Variants in PCDHGA5 observed in about 807,000 individuals in gnomAD.
PCDHGA5 encodes the protein protocadherin gamma-A5.
In PCDHGA5, 36 loss-of-function variants were observed where a neutral mutation model predicts 56.7. That is an observed-to-expected ratio of 0.64 (90% confidence interval 0.49 to 0.84). PCDHGA5 has a LOEUF of 0.84. Among genes scored for constraint, PCDHGA5 ranks in the 40% least tolerant of loss-of-function variants. The probability of loss-of-function intolerance (pLI) is 0.00; values close to 1 mark genes in which losing one functional copy is unlikely to be tolerated. For missense variants in PCDHGA5, 1,305 were observed against 1,201.5 expected, an observed-to-expected ratio of 1.09 and a Z score of -1.27; for synonymous variants, 563 against 520.2, an observed-to-expected ratio of 1.08 and a Z score of -1.12.
intron 1 of PCDHGA5, chr5:141,427,448 TC>T (rs1355717683): frequency 6.2e-6 from 3 of 484,982 alleles, no homozygotes; most frequent in Non-Finnish European, 1.2e-5. Flanking sequence ...ACGAAAGAGT[TC>T]CTTTTAGAAT....
At chr5:141,419,586 A>T (rs1440548961) in intron 1 of PCDHGA5, 1 of 1,611,696 alleles carries the variant, frequency 6.2e-7, no homozygotes, top group Non-Finnish European at 8.5e-7. Context: ...GCGCTCTTCG[A>T]CACAGTGCCG....
chr5:141,477,351 G>A lies in PCDHGA5; in HGVS notation c.2422-17456G>A. 6.2e-7 allele frequency: 1 copy of A among 1,614,126 alleles called. No homozygotes were observed. The highest frequency in any genetic ancestry group is 8.5e-7 in the Non-Finnish European group (1 of 1,180,018). On this transcript the variant is annotated intron_variant, in intron 1 of 3. Transcript: ENST00000518069. This position sits in a 1 kb window ranked among gnomAD's most constrained non-coding sequence, Gnocchi z 4.9. ...AAGAATTACTTCACTTTGAAAACCA[G>A]TGCAGACCTGGATCGGGAGACTGTG...
chr5:141,450,006 C>CTATTTTT lies in PCDHGA5; in HGVS notation c.2422-44800_2422-44799insATTTTTT, dbSNP rs70988802. On this transcript the variant is annotated intron_variant, in intron 1 of 3. Coordinates refer to ENST00000518069, the MANE Select transcript of PCDHGA5 (RefSeq NM_018918.3). ...CACATTGCATTTAGTTGCCATGTCTCTTTTTTTTTTTTTTTTTTGAGACAG... is the reference window on the plus strand; with the variant it reads ...CACATTGCATTTAGTTGCCATGTCTCTATTTTTTTTTTTTTTTTTTTTTTTGAGACAG... Among the ~76,000 whole-genome samples, 248 of 132,920 alleles carry CTATTTTT rather than the reference C, an allele frequency of 1.9e-3. 8 individuals carry two copies. Among genetic ancestry groups the CTATTTTT allele is most frequent in the African/African-American group, 4.3e-3 (154 of 35,586 alleles). 87.2% of individuals were successfully genotyped at this position (132,920 alleles called of 152,430 possible). A position where few individuals can be genotyped will look rare whatever the true frequency, so the allele number is the denominator to read the frequency against.
Position 141,432,028 on chromosome 5 carries a change from C to T in PCDHGA5, c.2422-62779C>T, listed in dbSNP as rs776543767. ...TTCCTAGCTACAACATCACAGTGAC[C>T]GCCACTGACCGGGGAACCCCGCCCC... On this transcript the variant is annotated intron_variant, in intron 1 of 3. Coordinates refer to ENST00000518069, the MANE Select transcript of PCDHGA5 (RefSeq NM_018918.3). The surrounding 1 kb of genome is among the most constrained non-coding windows in gnomAD (Gnocchi z 6.0). The T allele has an allele frequency of 1.1e-5, 18 of 1,614,050 alleles. No individual in the cohort carries two copies. The highest frequency in any genetic ancestry group is 9.9e-5 in the South Asian group (9 of 91,090).
In PCDHGA5 at chr5:141,491,667, G is replaced by C. The variant is rs746903142; in HGVS notation, c.2422-3140G>C. The C allele has an allele frequency of 3.7e-6, 6 of 1,613,678 alleles. No individual in the cohort carries two copies. The South Asian group carries it at 6.6e-5, about 18-fold the overall frequency. On this transcript the variant is annotated intron_variant, in intron 1 of 3. Transcript: ENST00000518069. This position sits in a 1 kb window ranked among gnomAD's most constrained non-coding sequence, Gnocchi z 6.9. Reference sequence around the variant, plus strand: ...TGGCGCTGGAGCCTGACGCCATCCGGTCCCGCTCTAATACGCTGCGGGAGC... The same window carrying C: ...TGGCGCTGGAGCCTGACGCCATCCGCTCCCGCTCTAATACGCTGCGGGAGC...
chr5:141,430,216 A>G (rs1487666733), intron 1 of PCDHGA5, among the ~76,000 whole-genome samples: 1 of 150,536 alleles, frequency 6.6e-6, no homozygotes, highest in Non-Finnish European at 1.5e-5. Flanking sequence ...TTATTATATT[A>G]TATGATTTGT....
At chr5:141,423,562 AC>A in intron 1 of PCDHGA5, 1 of 1,613,612 alleles carries the variant, frequency 6.2e-7, no homozygotes, top group Non-Finnish European at 8.5e-7. Flanking sequence ...CTATGGGGAC[AC>A]GCTCATCAGC....
Position 141,510,946 on chromosome 5 carries a change from GA to G in PCDHGA5, c.2571del (p.Ala858LeufsTer17). The G allele has an allele frequency of 6.2e-7, 1 of 1,614,128 alleles. No homozygotes were observed. ...LQAMILASAS[E>X]AADGSSTLGG... ...CACCTGATCTTCCTCTGTCTCTGCA[GA>G]AGCTGCTGATGGGAGCTCCACCCTG... On this transcript the variant is annotated frameshift_variant and splice_region_variant, in exon 4 of 4. Coordinates refer to ENST00000518069, the MANE Select transcript of PCDHGA5 (RefSeq NM_018918.3). LOFTEE classifies it high-confidence loss of function.
chr5:141,382,263 T>C (rs1447947679), intron 1 of PCDHGA5, among the ~76,000 whole-genome samples: 1 of 152,242 alleles, frequency 6.6e-6, no homozygotes, highest in Non-Finnish European at 1.5e-5. Flanking sequence ...TCATGGTGTC[T>C]AGAACATATG....
intron 1 of PCDHGA5, among the ~76,000 whole-genome samples, chr5:141,448,837 C>CT (rs2098610093): frequency 6.6e-6 from 1 of 152,014 alleles, no homozygotes; most frequent in Non-Finnish European, 1.5e-5. Context: ...CCCAGCTACT[C>CT]TGGAGGCTGA....
At chr5:141,418,717 C>G in intron 1 of PCDHGA5, 2 of 1,613,938 alleles carry the variant, frequency 1.2e-6, no homozygotes, top group Non-Finnish European at 1.7e-6. Context: ...GTGTGGCTGA[C>G]AAAGCTCAGC....
At chr5:141,409,571 T>A in intron 1 of PCDHGA5, 2 of 1,613,932 alleles carry the variant, frequency 1.2e-6, no homozygotes, top group Non-Finnish European at 1.7e-6. Context: ...CCAGACGTCC[T>A]ACGTGGTCCA....
rs766151180 is a variant in PCDHGA5 at position 141,432,210 on chromosome 5, A to G, written c.2422-62597A>G. On this transcript the variant is annotated intron_variant, in intron 1 of 3. Transcript: ENST00000518069. This position sits in a 1 kb window ranked among gnomAD's most constrained non-coding sequence, Gnocchi z 6.0. Reference sequence around the variant, plus strand: ...GCCCACGACCCCGACTGTGAAGAGAACGCCCAGATCACTTATTCCCTGGCT... The same window carrying G: ...GCCCACGACCCCGACTGTGAAGAGAGCGCCCAGATCACTTATTCCCTGGCT... 1 of 1,614,138 alleles carries G rather than the reference A, an allele frequency of 6.2e-7. No individual in the cohort carries two copies. Among genetic ancestry groups the G allele is most frequent in the Non-Finnish European group, 8.5e-7 (1 of 1,180,018 alleles).
rs780836649 is a variant in PCDHGA5 at position 141,414,681 on chromosome 5, G to C, written c.2421+47930G>C. 38 of 1,613,836 alleles carry C rather than the reference G, an allele frequency of 2.4e-5. 1 individual carries two copies. The East Asian group carries it at 8.5e-4, about 36-fold the overall frequency. ...CCCTGGCTGAAGACACCATCCAGGG[G>C]GTACCTCTGTCCTCATACATATCCA... On this transcript the variant is annotated intron_variant, in intron 1 of 3. Coordinates refer to ENST00000518069, the MANE Select transcript of PCDHGA5 (RefSeq NM_018918.3).
At chr5:141,376,524 C>T (rs1772781654) in intron 1 of PCDHGA5, 1 of 1,613,718 alleles carries the variant, frequency 6.2e-7, no homozygotes, top group Admixed American at 1.7e-5. Flanking sequence ...TTCTTTCCGC[C>T]TAAGCGGGAA....
intron 1 of PCDHGA5, among the ~76,000 whole-genome samples, chr5:141,474,643 CCTTA>C (rs1474125632): frequency 1.3e-5 from 2 of 152,134 alleles, no homozygotes; most frequent in Admixed American, 1.3e-4. Flanking sequence ...TCCTATATAT[CCTTA>C]CTTCTTTTCT....
At chr5:141,403,574 C>T (rs1441332710) in intron 1 of PCDHGA5, 1 of 1,613,960 alleles carries the variant, frequency 6.2e-7, no homozygotes, top group Non-Finnish European at 8.5e-7. Context: ...GGCAACTGCC[C>T]ACCACCTGGT....
rs146358809 is a variant in PCDHGA5, at chr5:141,480,913, C to T, written c.2422-13894C>T. 4.1e-3 allele frequency among the ~76,000 whole-genome samples: 617 copies of T among 152,096 alleles called. 6 individuals are homozygous for T. Among genetic ancestry groups the T allele is most frequent in the Admixed American group, 0.011 (171 of 15,272 alleles). ...TGCAAACATTAGCTGGGCATGGTGG[C>T]GCATACCTGTAGTCCCAGCTACTCT... On this transcript the variant is annotated intron_variant, in intron 1 of 3. Transcript: ENST00000518069.
In PCDHGA5 at chr5:141,489,126, T is replaced by C; in HGVS notation, c.2422-5681T>C. ...TGCAAGCAGGCAAACCTCCGAGCAG[T>C]TTTTAAGAGGCTGGAAGGAGACATA... On this transcript the variant is annotated intron_variant, in intron 1 of 3. Coordinates refer to ENST00000518069, the MANE Select transcript of PCDHGA5 (RefSeq NM_018918.3). This position sits in a 1 kb window ranked among gnomAD's most constrained non-coding sequence, Gnocchi z 4.5. 1.7e-6 allele frequency: 1 copy of C among 585,136 alleles called. No individual in the cohort carries two copies. Among genetic ancestry groups the C allele is most frequent in the South Asian group, 3.2e-5 (1 of 31,406 alleles). The allele number at this position is 585,136 out of a possible 1,614,324, so 36.2% of individuals were successfully genotyped here. A position where few individuals can be genotyped will look rare whatever the true frequency, so the allele number is the denominator to read the frequency against.
Sources: allele counts gnomAD v4.1 joint callset (sites outside exome capture counted in the v4.1 genomes callset), GRCh38; gene constraint gnomAD v4.1.1; non-coding constraint Gnocchi (gnomAD v3.1); transcripts MANE v1.5; gene names NCBI Gene and HGNC (gene_info 2026-07-23, HGNC 2026-07-21).